DGKI: variants seen among roughly 807,000 people sequenced by gnomAD.
The protein encoded by DGKI is diacylglycerol kinase iota.
A neutral mutation model predicts 147.5 loss-of-function variants in DGKI; 55 were observed. The observed-to-expected ratio is 0.37, with a 90% CI of 0.30 to 0.47. DGKI has a LOEUF of 0.47. Ranked by LOEUF, DGKI falls within the 20% of genes least tolerant of loss-of-function variation. The probability of loss-of-function intolerance (pLI) is 1.00; values close to 1 mark genes in which losing one functional copy is unlikely to be tolerated. For missense variants in DGKI, 1,007 were observed against 1,323.8 expected, an observed-to-expected ratio of 0.76 and a Z score of 3.71; for synonymous variants, 469 against 477.1, an observed-to-expected ratio of 0.98 and a Z score of 0.22.
intron 27 of DGKI, among the ~76,000 whole-genome samples, chr7:137,451,778 T>A (rs1043960025): frequency 6.6e-6 from 1 of 152,228 alleles, no homozygotes; most frequent in African/African-American, 2.4e-5. Flanking sequence ...TACAAGCTGA[T>A]CCTAATACAA....
At position 137,426,434 on chromosome 7, in the gene DGKI, A is replaced by G. The variant is rs1812809788; in HGVS notation, c.2762-14227T>C. ...TAGAAAGGAACAACCGGTACCAGCC[A>G]CTACAAAATCATGCCAAATTGTAAA... On this transcript the variant is annotated intron_variant, in intron 28 of 32. Coordinates refer to ENST00000614521, the MANE Select transcript of DGKI (RefSeq NM_001321708.2). 1.3e-5 allele frequency among the ~76,000 whole-genome samples: 2 copies of G among 152,230 alleles called. 1 individual carries two copies. Among genetic ancestry groups the G allele is most frequent in the South Asian group, 4.1e-4 (2 of 4,834 alleles).
chr7:137,780,964 G>A lies in DGKI; in HGVS notation c.401+65498C>T, dbSNP rs150859184. ...AGGGACTTTAAAAAGGCAGACAGAGGGCTTCACATCTGTCCTCAGCAGTCT... is the reference window on the plus strand; with the variant it reads ...AGGGACTTTAAAAAGGCAGACAGAGAGCTTCACATCTGTCCTCAGCAGTCT... On this transcript the variant is annotated intron_variant, in intron 1 of 32. Transcript: ENST00000614521. Among the ~76,000 whole-genome samples the A allele has an allele frequency of 8.4e-4, 128 of 152,234 alleles. 2 individuals are homozygous for A. In the East Asian group the frequency reaches 0.019, roughly 22 times the overall value.
rs564213694 is a variant in DGKI, at chr7:137,824,419, G to A, written c.401+22043C>T. 1.6e-3 allele frequency among the ~76,000 whole-genome samples: 241 copies of A among 151,886 alleles called. 2 individuals are homozygous for A. Among genetic ancestry groups the A allele is most frequent in the African/African-American group, 5.5e-3 (226 of 41,380 alleles). On this transcript the variant is annotated intron_variant, in intron 1 of 32. Transcript: ENST00000614521. Reference sequence around the variant, plus strand: ...TAATCCCAACTACTCGGGAGGCTGAGGCAGGAGAATCACTTGAACCTTGGA... The same window carrying A: ...TAATCCCAACTACTCGGGAGGCTGAAGCAGGAGAATCACTTGAACCTTGGA...
At chr7:137,697,204 A>G (rs926299374) in intron 1 of DGKI, among the ~76,000 whole-genome samples, 3 of 152,188 alleles carry the variant, frequency 2.0e-5, no homozygotes, top group African/African-American at 7.2e-5. Context: ...ACCACACCCA[A>G]AGTTTGAATT....
chr7:137,705,568 G>A (rs1175787621), intron 1 of DGKI, among the ~76,000 whole-genome samples: 1 of 152,118 alleles, frequency 6.6e-6, no homozygotes, highest in Non-Finnish European at 1.5e-5. Flanking sequence ...GCTGAGTGGA[G>A]GGGAGATGGC....
At chr7:137,473,031 G>A (rs1170717251) in intron 23 of DGKI, among the ~76,000 whole-genome samples, 1 of 152,060 alleles carries the variant, frequency 6.6e-6, no homozygotes, top group East Asian at 1.9e-4. Context: ...ATTTAGTCTA[G>A]GTTAGTAAAA....
At chr7:137,415,421 A>T (rs1812322942) in intron 28 of DGKI, among the ~76,000 whole-genome samples, 1 of 152,232 alleles carries the variant, frequency 6.6e-6, no homozygotes, top group Admixed American at 6.5e-5. Context: ...ATATGCAAAT[A>T]CTGAGCTATT....
chr7:137,663,871 G>T (rs1250730188), intron 3 of DGKI, among the ~76,000 whole-genome samples: 2 of 152,108 alleles, frequency 1.3e-5, no homozygotes, highest in African/African-American at 4.8e-5. Context: ...GAAAGGGGGA[G>T]GGAAGAAAGG....
At chr7:137,405,018 G>A (rs1229915447) in intron 30 of DGKI, among the ~76,000 whole-genome samples, 1 of 152,050 alleles carries the variant, frequency 6.6e-6, no homozygotes, top group African/African-American at 2.4e-5. Flanking sequence ...TGCTTTTAAA[G>A]GCCCTATTTT....
chr7:137,516,700 C>G (rs575409571), intron 21 of DGKI, among the ~76,000 whole-genome samples: 5 of 151,916 alleles, frequency 3.3e-5, no homozygotes, highest in South Asian at 4.2e-4. Flanking sequence ...CTTTCAATGA[C>G]TAACATCTAG....
At position 137,587,192 on chromosome 7, in the gene DGKI, T is replaced by C. The variant is rs1273158140; in HGVS notation, c.1330A>G (p.Ile444Val). The C allele has an allele frequency of 6.2e-7, 1 of 1,612,168 alleles. No homozygotes were observed. Among genetic ancestry groups the C allele is most frequent in the Non-Finnish European group, 8.5e-7 (1 of 1,179,434 alleles). Reference protein sequence around the residue: ...GDGTVGWILSILDELQLSPQP... With the variant: ...GDGTVGWILSVLDELQLSPQP... ...GGGCTCAGCTGCAGTTCATCCAGGA[T>C]GGAAAGGATCCAGCCCACCTACAGG... is the stretch of plus-strand genomic sequence containing the variant. Residue 444 changes from isoleucine (I) to valine (V), a missense_variant, in exon 13 of 33, where the codon ATC (isoleucine) becomes GTC (valine). Around this residue, in one of 5 missense-constraint regions of DGKI, gnomAD observed 224 missense variants for 382.7 expected, o/e 0.59. Transcript: ENST00000614521.
Position 137,636,060 on chromosome 7 carries a change from T to A in DGKI, c.804+9412A>T, listed in dbSNP as rs115709805. On this transcript the variant is annotated intron_variant, in intron 6 of 32. Transcript: ENST00000614521. ...TGACAGGAGTAATTGATCCTGATCA[T>A]TAGGCACAGATCTAGCTGTTACCTG... 8.1e-3 allele frequency among the ~76,000 whole-genome samples: 1,236 copies of A among 152,314 alleles called. 24 individuals carry two copies. Among genetic ancestry groups the A allele is most frequent in the African/African-American group, 0.028 (1,163 of 41,562 alleles).
At chr7:137,503,360 T>C (rs1350096400) in intron 21 of DGKI, among the ~76,000 whole-genome samples, 1 of 152,206 alleles carries the variant, frequency 6.6e-6, no homozygotes, top group Non-Finnish European at 1.5e-5. Flanking sequence ...TGTTTTGCTA[T>C]TAAAATTCTT....
At chr7:137,621,263 T>A (rs1334653457) in intron 7 of DGKI, among the ~76,000 whole-genome samples, 2 of 152,222 alleles carry the variant, frequency 1.3e-5, no homozygotes, top group African/African-American at 4.8e-5. Flanking sequence ...TCTTTAAAAA[T>A]TGCTTTTTTT....
At chr7:137,398,604 G>A (rs1811638568) in intron 30 of DGKI, among the ~76,000 whole-genome samples, 1 of 152,000 alleles carries the variant, frequency 6.6e-6, no homozygotes, top group African/African-American at 2.4e-5. Flanking sequence ...AAGAAGGGGT[G>A]GAAGAGGTTA....
At chr7:137,713,317 T>G (rs1794274330) in intron 1 of DGKI, among the ~76,000 whole-genome samples, 1 of 152,222 alleles carries the variant, frequency 6.6e-6, no homozygotes, top group Admixed American at 6.5e-5. Context: ...GGGTGGGATG[T>G]AACATTTGTG....
chr7:137,411,959 T>C (rs967621957), intron 29 of DGKI, among the ~76,000 whole-genome samples: 5 of 152,208 alleles, frequency 3.3e-5, no homozygotes, highest in African/African-American at 9.6e-5. Context: ...CCTGGGGACA[T>C]GCAGTTCATT....
chr7:137,846,576 G>A lies in DGKI; in HGVS notation c.287C>T (p.Ala96Val), dbSNP rs769151879. 3.7e-6 allele frequency: 5 copies of A among 1,345,582 alleles called. No homozygotes were observed. The highest frequency in any genetic ancestry group is 1.5e-5 in the African/African-American group (1 of 64,808). 83.4% of individuals were successfully genotyped at this position (1,345,582 alleles called of 1,614,324 possible). The change falls in exon 1 of 33, where the codon GCG becomes GTG. Residue 96 changes from alanine to valine, a missense_variant. Ala to Val is a moderately conservative substitution (Grantham distance 64). This residue lies in a region of DGKI where 259 missense variants were observed against 362.5 expected (regional missense o/e 0.71). Coordinates refer to ENST00000614521, the MANE Select transcript of DGKI (RefSeq NM_001321708.2). The surrounding 1 kb of genome is among the most constrained non-coding windows in gnomAD (Gnocchi z 4.0). ...GTCCAGGGCAGCGGCCCCCGCCGCC[G>A]CGGCTGACCCTGCGCCCCGCGGGTC... ...GADPRGAGSA[A>V]AAGAAALDEP...
intron 6 of DGKI, among the ~76,000 whole-genome samples, chr7:137,628,909 TTAAGA>T (rs1821034778): frequency 6.6e-6 from 1 of 152,220 alleles, no homozygotes; most frequent in Admixed American, 6.5e-5. Flanking sequence ...AGGGCTTGAC[TTAAGA>T]TAAGCTGAAT....
Sources: gnomAD v4.1 joint callset for allele counts (sites outside exome capture counted in the v4.1 genomes callset) on GRCh38, gnomAD v4.1.1 for gene constraint, gnomAD v4.1.1 regional missense constraint, Gnocchi (gnomAD v3.1) non-coding constraint, MANE v1.5 for transcripts, NCBI Gene and HGNC (gene_info 2026-07-23, HGNC 2026-07-21) for gene names.